The following GPI variants were observed in gnomAD, a reference collection of about 807,000 sequenced individuals.
GPI encodes D-hexose-6-phosphate anomerase.
Under a neutral mutation model 75.8 loss-of-function variants are expected in GPI, and 56 were observed. The ratio of observed to expected loss-of-function variants is 0.74; its 90% confidence interval spans 0.60 to 0.92. The LOEUF is 0.92. Ranked by LOEUF, GPI falls within the 40% of genes least tolerant of loss-of-function variation. The pLI is 0.00. For missense variants in GPI, 638 were observed against 741.0 expected (o/e 0.86, Z 1.61); for synonymous variants, 288 against 285.4 (o/e 1.01, Z -0.09).
chr19:34,368,939 T>C, intron 4 of GPI: 1 of 600,344 alleles, frequency 1.7e-6, no homozygotes, highest in Non-Finnish European at 3.0e-6. Context: ...CCAGTTTCTT[T>C]CCTGAATTGT....
In GPI at chr19:34,368,923, G is replaced by A; in HGVS notation, c.402+221G>A. The A allele has an allele frequency of 4.8e-6, 3 of 619,122 alleles. No homozygotes were observed. The Admixed American group carries it at 7.6e-5, about 16-fold the overall frequency. 38.4% of individuals were successfully genotyped at this position (619,122 alleles called of 1,614,324 possible). A position where few individuals can be genotyped will look rare whatever the true frequency, so the allele number is the denominator to read the frequency against. On this transcript the variant is annotated intron_variant, in intron 4 of 17. Coordinates refer to ENST00000356487, the MANE Select transcript of GPI (RefSeq NM_000175.5). ...CTGAAGGAATCTGCTGCTGGCAGAAGTGGGGCCAGTTTCTTTCCTGAATTG... is the reference window on the plus strand; with the variant it reads ...CTGAAGGAATCTGCTGCTGGCAGAAATGGGGCCAGTTTCTTTCCTGAATTG...
At chr19:34,391,032 T>C (rs1249498319) in intron 9 of GPI, among the ~76,000 whole-genome samples, 1 of 147,780 alleles carries the variant, frequency 6.8e-6, no homozygotes, top group East Asian at 2.0e-4. Flanking sequence ...GGGTCTTCCA[T>C]GTCTGAGGAG....
chr19:34,397,999 A>G (rs1291298385), intron 14 of GPI: 1 of 151,384 alleles, frequency 6.6e-6, no homozygotes, highest in African/African-American at 2.4e-5. Flanking sequence ...CAATCCTTTT[A>G]TCTCAGCCTC....
chr19:34,373,666 C>T (rs1477416741), intron 4 of GPI, among the ~76,000 whole-genome samples: 1 of 151,838 alleles, frequency 6.6e-6, no homozygotes, highest in Non-Finnish European at 1.5e-5. Context: ...CTAGAAGCAA[C>T]AATCACCGTC....
At chr19:34,366,026 A>G (rs760738992) in intron 1 of GPI, 3 of 589,572 alleles carry the variant, frequency 5.1e-6, no homozygotes, top group South Asian at 4.6e-5. Context: ...CATCCCTGTC[A>G]TCTGGATGGG....
intron 8 of GPI, among the ~76,000 whole-genome samples, chr19:34,380,493 G>T (rs377387829): frequency 6.6e-6 from 1 of 152,136 alleles, no homozygotes; most frequent in Non-Finnish European, 1.5e-5. Flanking sequence ...TGGTGGCCAG[G>T]CTGGTCTCGA....
chr19:34,395,897 T>C (rs2074936319), intron 12 of GPI, among the ~76,000 whole-genome samples: 1 of 151,736 alleles, frequency 6.6e-6, no homozygotes, highest in African/African-American at 2.4e-5. Flanking sequence ...AGGAAGAGGG[T>C]TGGGTTTTTT....
At chr19:34,386,046 G>T (rs1018453349) in intron 9 of GPI, among the ~76,000 whole-genome samples, 2 of 152,040 alleles carry the variant, frequency 1.3e-5, no homozygotes, top group African/African-American at 4.8e-5. Flanking sequence ...GGCCCACCAG[G>T]TATGGTCTGA....
intron 12 of GPI, among the ~76,000 whole-genome samples, chr19:34,395,659 C>G (rs1444355101): frequency 6.6e-6 from 1 of 152,186 alleles, no homozygotes; most frequent in Non-Finnish European, 1.5e-5. Context: ...CCAGACCCAC[C>G]TTTTCCTGGG....
chr19:34,365,597 C>G, intron 1 of GPI: 2 of 834,872 alleles, frequency 2.4e-6, no homozygotes, highest in Non-Finnish European at 3.9e-6. Context: ...CCGGGAGTCT[C>G]GGCCCCGGGT....
At position 34,365,286 on chromosome 19, in the gene GPI, A is replaced by AC; in HGVS notation, c.25dup (p.Gln9ProfsTer80). ...CCCGCCATGGCCGCTCTCACCCGGG[A>AC]CCCCCAGTTCCAGAAGCTGCAGCAA... On this transcript the variant is annotated frameshift_variant, in exon 1 of 18. Transcript: ENST00000356487. LOFTEE classifies it high-confidence loss of function. The AC allele has an allele frequency of 6.3e-7, 1 of 1,577,904 alleles. No individual in the cohort carries two copies. The highest frequency in any genetic ancestry group is 8.6e-7 in the Non-Finnish European group (1 of 1,164,916).
chr19:34,374,388 G>A (rs1289769707), intron 4 of GPI, among the ~76,000 whole-genome samples: 1 of 152,120 alleles, frequency 6.6e-6, no homozygotes, highest in Non-Finnish European at 1.5e-5. Context: ...AGGACCACTG[G>A]TCACCATCTT....
intron 2 of GPI, 52 bp from the exon 3 acceptor site, chr19:34,366,731 C>T (rs1020810125): frequency 1.6e-6 from 2 of 1,276,102 alleles, no homozygotes; most frequent in African/African-American, 2.9e-5. Context: ...GGGGCTGACA[C>T]TTGGGGTGGC....
chr19:34,364,390 T>C (rs1359035253), upstream of GPI, among the ~76,000 whole-genome samples: 1 of 151,496 alleles, frequency 6.6e-6, no homozygotes, highest in Non-Finnish European at 1.5e-5. Context: ...TCATCTTTTT[T>C]TTTTTTTTTG....
At chr19:34,370,258 G>A (rs1395808675) in intron 4 of GPI, among the ~76,000 whole-genome samples, 2 of 152,202 alleles carry the variant, frequency 1.3e-5, no homozygotes, top group South Asian at 2.1e-4. Flanking sequence ...ACATCCTCAC[G>A]TCTGGAGAAC....
Position 34,393,698 on chromosome 19 carries a change from A to C in GPI, c.866-30A>C. 6 of 1,611,498 alleles carry C rather than the reference A, an allele frequency of 3.7e-6. No homozygotes were observed. Among genetic ancestry groups the C allele is most frequent in the Non-Finnish European group, 5.1e-6 (6 of 1,178,636 alleles). On this transcript the variant is annotated intron_variant, in intron 10 of 17. Transcript: ENST00000356487. This position sits in a 1 kb window ranked among gnomAD's most constrained non-coding sequence, Gnocchi z 4.4. ...TGCCCACAGGACGCAGGGTGTGGCC[A>C]CTTCTGTTGACTCTGCTTTTGTGTC... is the stretch of plus-strand genomic sequence containing the variant.
chr19:34,385,707 G>A (rs937467804), intron 9 of GPI, among the ~76,000 whole-genome samples: 1 of 152,204 alleles, frequency 6.6e-6, no homozygotes, highest in East Asian at 1.9e-4. Flanking sequence ...TGAAGTAGAG[G>A]TAGGCAGAGC....
chr19:34,399,084 C>A (rs552534886), intron 14 of GPI, 123 bp from the exon 15 acceptor site: 139 of 827,194 alleles, frequency 1.7e-4, no homozygotes, highest in Middle Eastern at 7.4e-4. Context: ...CTCGCTCCAA[C>A]TGAGCTGTAC....
intron 4 of GPI, among the ~76,000 whole-genome samples, chr19:34,377,301 C>CAAAAAAAA (rs1169701523): frequency 1.9e-4 from 3 of 15,466 alleles, no homozygotes; most frequent in Non-Finnish European, 2.0e-4. Flanking sequence ...GGCTTCATCT[C>CAAAAAAAA]AAAAAAAAAA....
Sources: allele counts gnomAD v4.1 joint callset (sites outside exome capture counted in the v4.1 genomes callset), GRCh38; gene constraint gnomAD v4.1.1; non-coding constraint Gnocchi (gnomAD v3.1); transcripts MANE v1.5; gene names NCBI Gene and HGNC (gene_info 2026-07-23, HGNC 2026-07-21).